NOX3: variants seen among roughly 807,000 people sequenced by gnomAD.
NOX3 encodes the protein NADPH oxidase catalytic subunit-like 3.
NOX3 carries 74 observed loss-of-function variants against 76.7 expected under a neutral mutation model. The ratio of observed to expected loss-of-function variants is 0.96; its 90% CI spans 0.80 to 1.17. NOX3 has a LOEUF of 1.17. NOX3 is among the 50% of genes most tolerant of loss of function. The probability of loss-of-function intolerance (pLI) is 0.00; values close to 1 mark genes in which losing one functional copy is unlikely to be tolerated. For synonymous variants in NOX3, 263 were observed against 261.1 expected (o/e 1.01, Z -0.07); for missense variants, 695 against 703.3 (o/e 0.99, Z 0.13).
intron 4 of NOX3, among the ~76,000 whole-genome samples, chr6:155,444,559 T>C (rs894353191): frequency 1.4e-4 from 21 of 152,194 alleles, no homozygotes; most frequent in Non-Finnish European, 2.5e-4. Flanking sequence ...GGAAAAAAAC[T>C]GTATGTGGAA....
At position 155,436,463 on chromosome 6, in the gene NOX3, T is replaced by C. The variant is rs1224959431; in HGVS notation, c.753A>G (p.Thr251=). 1 of 1,614,178 alleles carries C rather than the reference T, an allele frequency of 6.2e-7. No individual in the cohort carries two copies. The highest frequency in any genetic ancestry group is 8.5e-7 in the Non-Finnish European group (1 of 1,180,002). ...FCRDRYAEWQ[T]VAQCPVPQFS... ...ATTGAGGCACGGGGCATTGGGCCAC[T>C]GTCTGCCATTCTGCATAGCGGTCTC... The change falls in exon 7 of 14, where the codon ACA becomes ACG. Residue 251 remains threonine, a synonymous_variant. Transcript: ENST00000159060.
chr6:155,428,977 T>C lies in NOX3; in HGVS notation c.962A>G (p.Gln321Arg). 1 of 1,613,668 alleles carries C rather than the reference T, an allele frequency of 6.2e-7. No homozygotes were observed. Among genetic ancestry groups the C allele is most frequent in the Non-Finnish European group, 8.5e-7 (1 of 1,179,648 alleles). Residue 321 changes from glutamine to arginine, a missense_variant, in exon 9 of 14, where the codon CAG becomes CGG. Coordinates refer to ENST00000159060, the MANE Select transcript of NOX3 (RefSeq NM_015718.3). ...GGCTGGGCACTGCACCAAGATGTAC[T>C]GCCCTGGCGCCATTTTAAAGCCACG... ...KKRGFKMAPG[Q>R]YILVQCPAIS...
intron 10 of NOX3, among the ~76,000 whole-genome samples, chr6:155,422,291 T>C (rs1408836402): frequency 2.0e-5 from 3 of 152,110 alleles, no homozygotes; most frequent in Non-Finnish European, 2.9e-5. Context: ...TGGCTTCTTG[T>C]TAGGACTGAG....
In NOX3 at chr6:155,440,178, A is replaced by G. The variant is rs1205267013; in HGVS notation, c.487-41T>C. On this transcript the variant is annotated intron_variant, in intron 5 of 13. Transcript: ENST00000159060. ...ACAACAAAAAAAGAAACAAACAAAA[A>G]AAAACACCTTGACATTAAATATCCT... 2.7e-6 allele frequency: 4 copies of G among 1,480,690 alleles called. No individual in the cohort carries two copies. The African/African-American group carries it at 5.7e-5, about 21-fold the overall frequency. The allele number at this position is 1,480,690 out of a possible 1,614,324, so 91.7% of individuals were successfully genotyped here.
intron 12 of NOX3, among the ~76,000 whole-genome samples, chr6:155,404,918 C>A (rs1776424986): frequency 6.6e-6 from 1 of 152,084 alleles, no homozygotes; most frequent in African/African-American, 2.4e-5. Flanking sequence ...CCTCATTAAC[C>A]TCCTTCAAAT....
chr6:155,438,113 G>GTAA (rs994120061), intron 6 of NOX3, among the ~76,000 whole-genome samples: 1 of 151,942 alleles, frequency 6.6e-6, no homozygotes, highest in African/African-American at 2.4e-5. Flanking sequence ...GTTTAGGGGG[G>GTAA]TAAGCACATC....
At chr6:155,433,336 G>A (rs1046738579) in intron 7 of NOX3, among the ~76,000 whole-genome samples, 3 of 152,164 alleles carry the variant, frequency 2.0e-5, no homozygotes, top group Non-Finnish European at 4.4e-5. Context: ...TTAGGAAACT[G>A]TCCTTGCAGT....
chr6:155,449,314 G>T (rs1179965999), intron 4 of NOX3, among the ~76,000 whole-genome samples: 1 of 152,172 alleles, frequency 6.6e-6, no homozygotes, highest in Non-Finnish European at 1.5e-5. Context: ...AGGGAGAGCT[G>T]CCTGGGTCAC....
At chr6:155,410,770 C>G (rs1370484388) in intron 11 of NOX3, among the ~76,000 whole-genome samples, 3 of 152,186 alleles carry the variant, frequency 2.0e-5, no homozygotes, top group Non-Finnish European at 4.4e-5. Flanking sequence ...TCTATAGATG[C>G]TCACATACTT....
intron 7 of NOX3, among the ~76,000 whole-genome samples, chr6:155,431,506 A>G (rs760349376): frequency 3.8e-4 from 58 of 152,022 alleles, no homozygotes; most frequent in Non-Finnish European, 5.1e-4. Context: ...AAGTTTATCT[A>G]ATCACAGCAA....
At chr6:155,407,823 G>C (rs1335788731) in intron 11 of NOX3, among the ~76,000 whole-genome samples, 2 of 152,184 alleles carry the variant, frequency 1.3e-5, no homozygotes, top group African/African-American at 2.4e-5. Flanking sequence ...ATGGTGGCCA[G>C]AGCCTGGCAG....
chr6:155,424,216 T>G (rs934323151), intron 9 of NOX3, among the ~76,000 whole-genome samples: 1 of 152,152 alleles, frequency 6.6e-6, no homozygotes, highest in Non-Finnish European at 1.5e-5. Context: ...TCATCACAGC[T>G]GTAATTTTAC....
At chr6:155,420,830 C>T (rs1200357944) in intron 10 of NOX3, among the ~76,000 whole-genome samples, 1 of 152,146 alleles carries the variant, frequency 6.6e-6, no homozygotes, top group Non-Finnish European at 1.5e-5. Context: ...AATAGCAGTA[C>T]TGGTAACCTA....
In NOX3 at chr6:155,430,854, C is replaced by A; in HGVS notation, c.880G>T (p.Val294Phe). The change falls in exon 8 of 14, where the codon GTC (valine) becomes TTC (phenylalanine). Residue 294 changes from valine (V) to phenylalanine (F), a missense_variant. By Grantham distance (50) the Val-to-Phe change is conservative. Transcript: ENST00000159060. ...AGCTACATGCATACCTTGGTAATGA[C>A]AACTTCTTGTTGAAATCGCCAGAAC... Reference protein sequence around the residue: ...IRFWRFQQEVVITKVVSHPSG... With the variant: ...IRFWRFQQEVFITKVVSHPSG... 2 of 1,610,960 alleles carry A rather than the reference C, an allele frequency of 1.2e-6. No individual in the cohort carries two copies. Among genetic ancestry groups the A allele is most frequent in the Non-Finnish European group, 1.7e-6 (2 of 1,177,414 alleles).
chr6:155,414,893 G>C (rs1404673063), intron 10 of NOX3, among the ~76,000 whole-genome samples: 1 of 152,062 alleles, frequency 6.6e-6, no homozygotes, highest in African/African-American at 2.4e-5. Context: ...CTCCCAAAGC[G>C]CTGGGATTAC....
chr6:155,411,958 T>C (rs231935), intron 10 of NOX3, among the ~76,000 whole-genome samples: 3,395 of 152,298 alleles, frequency 0.022, 58 homozygotes, highest in African/African-American at 0.05. Flanking sequence ...AATGAAATTA[T>C]GACTGGGAAG....
In NOX3 at chr6:155,446,616, G is replaced by A. The variant is rs148169047; in HGVS notation, c.341-3198C>T. Among the ~76,000 whole-genome samples the A allele has an allele frequency of 3.8e-3, 582 of 152,242 alleles. 4 individuals are homozygous for A. The highest frequency in any genetic ancestry group is 5.4e-3 in the Non-Finnish European group (369 of 68,010). On this transcript the variant is annotated intron_variant, in intron 4 of 13. Transcript: ENST00000159060. ...TTTGACCATCAAGCTGTATTGCTTCGTTTGACTAATGAGCAATTATCATAC... is the reference window on the plus strand; with the variant it reads ...TTTGACCATCAAGCTGTATTGCTTCATTTGACTAATGAGCAATTATCATAC...
chr6:155,407,050 A>C, intron 12 of NOX3, 80 bp downstream of exon 12: 1 of 1,488,636 alleles, frequency 6.7e-7, no homozygotes, highest in Non-Finnish European at 9.4e-7. Context: ...ACGGTACTGC[A>C]GATTAACTTT....
chr6:155,450,775 A>G (rs779866996), intron 4 of NOX3, among the ~76,000 whole-genome samples: 7 of 152,062 alleles, frequency 4.6e-5, no homozygotes, highest in Non-Finnish European at 1.0e-4. Context: ...GGTGTGCCCA[A>G]GGGGAAAAGC....
Sources: allele counts gnomAD v4.1 joint callset (sites outside exome capture counted in the v4.1 genomes callset), GRCh38; gene constraint gnomAD v4.1.1; transcripts MANE v1.5; gene names NCBI Gene and HGNC (gene_info 2026-07-23, HGNC 2026-07-21).